CTNNA2: variants seen among roughly 807,000 people sequenced by gnomAD.
CTNNA2 encodes catenin alpha-2.
CTNNA2 carries 42 observed loss-of-function variants against 101.0 expected under a neutral mutation model. The observed-to-expected ratio is 0.42, with a 90% CI of 0.32 to 0.54. CTNNA2 has a LOEUF of 0.54. Ranked by LOEUF, CTNNA2 falls within the 20% of genes least tolerant of loss-of-function variation. CTNNA2 has a pLI of 0.14. For synonymous variants in CTNNA2, 450 were observed against 456.4 expected, an observed-to-expected ratio of 0.99 and a Z score of 0.18; for missense variants, 871 against 1,223.1, an observed-to-expected ratio of 0.71 and a Z score of 4.29.
At chr2:79,460,695 AG>A (rs1446483469) in intron 4 of CTNNA2, among the ~76,000 whole-genome samples, 2 of 152,146 alleles carry the variant, frequency 1.3e-5, no homozygotes, top group African/African-American at 2.4e-5. Context: ...TTAATGGAAA[AG>A]GATTCAGATT....
intron 7 of CTNNA2, among the ~76,000 whole-genome samples, chr2:80,334,134 A>G (rs1484173807): frequency 6.6e-6 from 1 of 152,194 alleles, no homozygotes; most frequent in East Asian, 1.9e-4. Flanking sequence ...TTGAATTGTC[A>G]GTTTAGCTCC....
chr2:80,169,423 C>CGTAA (rs748069477), intron 7 of CTNNA2, among the ~76,000 whole-genome samples: 7 of 152,034 alleles, frequency 4.6e-5, no homozygotes, highest in Non-Finnish European at 7.4e-5. Context: ...CAAAGGTATA[C>CGTAA]GTTATAAAGG....
intron 7 of CTNNA2, among the ~76,000 whole-genome samples, chr2:80,320,370 A>C (rs1678558879): frequency 6.6e-6 from 1 of 152,190 alleles, no homozygotes; most frequent in African/African-American, 2.4e-5. Flanking sequence ...CTATATTAGA[A>C]AAAGCCTTAA....
chr2:80,518,804 TA>T (rs1428902779), intron 9 of CTNNA2, among the ~76,000 whole-genome samples: 1 of 152,158 alleles, frequency 6.6e-6, no homozygotes, highest in East Asian at 1.9e-4. Context: ...AAATATTTTT[TA>T]AAAAACTCTA....
At chr2:80,623,696 A>C (rs944455417) in intron 18 of CTNNA2, among the ~76,000 whole-genome samples, 1 of 151,862 alleles carries the variant, frequency 6.6e-6, no homozygotes, top group Non-Finnish European at 1.5e-5. Flanking sequence ...AACTTCTTGA[A>C]TCAGGAATGG....
chr2:79,203,717 C>T (rs147842481), intron 2 of CTNNA2, among the ~76,000 whole-genome samples: 1 of 152,312 alleles, frequency 6.6e-6, no homozygotes, highest in African/African-American at 2.4e-5. Context: ...TCAGGGCCGC[C>T]TTTTCTTTGT....
intron 7 of CTNNA2, among the ~76,000 whole-genome samples, chr2:79,987,603 C>T (rs1175801202): frequency 6.6e-6 from 1 of 152,180 alleles, no homozygotes; most frequent in Non-Finnish European, 1.5e-5. Context: ...TAGAATTTCA[C>T]TAATTTCCTC....
chr2:79,803,528 G>A (rs895059585), intron 3 of CTNNA2, among the ~76,000 whole-genome samples: 14 of 152,224 alleles, frequency 9.2e-5, no homozygotes, highest in South Asian at 2.1e-4. Context: ...GGCACAGATC[G>A]CTTATGCTGT....
At chr2:80,103,547 A>G (rs1332713907) in intron 7 of CTNNA2, among the ~76,000 whole-genome samples, 1 of 152,162 alleles carries the variant, frequency 6.6e-6, no homozygotes. Flanking sequence ...GGCACCTGCT[A>G]TATGAATCAG....
chr2:79,237,613 A>T (rs968422285), intron 2 of CTNNA2, among the ~76,000 whole-genome samples: 1 of 152,174 alleles, frequency 6.6e-6, no homozygotes, highest in Non-Finnish European at 1.5e-5. Context: ...CTACATTGAA[A>T]ACCTCTTGCT....
chr2:79,556,805 A>G (rs1353909589), intron 1 of CTNNA2, among the ~76,000 whole-genome samples: 1 of 152,026 alleles, frequency 6.6e-6, no homozygotes, highest in Non-Finnish European at 1.5e-5. Context: ...CTGGTAAAGC[A>G]GTGTTTGGAA....
intron 7 of CTNNA2, among the ~76,000 whole-genome samples, chr2:80,116,814 T>A (rs1264115331): frequency 1.3e-5 from 2 of 151,646 alleles, no homozygotes; most frequent in African/African-American, 4.9e-5. Context: ...CATATTGAGT[T>A]CAGAAGAGAC....
At chr2:79,796,932 T>G (rs946713488) in intron 3 of CTNNA2, among the ~76,000 whole-genome samples, 1 of 152,186 alleles carries the variant, frequency 6.6e-6, no homozygotes, top group African/African-American at 2.4e-5. Flanking sequence ...AAGCTCAGTC[T>G]AGTTATGCAG....
At chr2:80,007,289 A>G (rs1346906772) in intron 7 of CTNNA2, among the ~76,000 whole-genome samples, 1 of 152,176 alleles carries the variant, frequency 6.6e-6, no homozygotes, top group Non-Finnish European at 1.5e-5. Context: ...TGTTAATTGT[A>G]AATGAACTCA....
intron 4 of CTNNA2, among the ~76,000 whole-genome samples, chr2:79,414,188 T>C (rs992142264): frequency 2.0e-5 from 3 of 151,890 alleles, no homozygotes; most frequent in Non-Finnish European, 4.4e-5. Context: ...ATCCCTCCAT[T>C]TTGTTTATAA....
intron 1 of CTNNA2, among the ~76,000 whole-genome samples, chr2:79,554,831 T>A (rs765815059): frequency 4.6e-5 from 7 of 152,178 alleles, no homozygotes; most frequent in Non-Finnish European, 7.3e-5. Context: ...TTTTCTTATG[T>A]TTGTTTTCTT....
chr2:80,380,647 T>C (rs1676436616), intron 7 of CTNNA2, among the ~76,000 whole-genome samples: 1 of 152,192 alleles, frequency 6.6e-6, no homozygotes, highest in South Asian at 2.1e-4. Context: ...TTTTTTGTTT[T>C]TGTGTTTTCC....
intron 1 of CTNNA2, among the ~76,000 whole-genome samples, chr2:79,195,542 A>G (rs1053513520): frequency 1.3e-5 from 2 of 152,176 alleles, no homozygotes; most frequent in Non-Finnish European, 2.9e-5. Context: ...TAGTCCTACT[A>G]ACCAAAAGAA....
At chr2:79,289,341 A>G (rs954390841) in intron 2 of CTNNA2, among the ~76,000 whole-genome samples, 6 of 152,204 alleles carry the variant, frequency 3.9e-5, no homozygotes, top group African/African-American at 1.4e-4. Flanking sequence ...ATAGGTAAAT[A>G]TAGATTTAAT....
Sources: gnomAD v4.1 joint callset for allele counts (sites outside exome capture counted in the v4.1 genomes callset) on GRCh38, gnomAD v4.1.1 for gene constraint, MANE v1.5 for transcripts, NCBI Gene and HGNC (gene_info 2026-07-23, HGNC 2026-07-21) for gene names.